CLYBL: variants seen among roughly 807,000 people sequenced by gnomAD.
The protein encoded by CLYBL is citramalyl-CoA lyase, mitochondrial.
CLYBL carries 31 observed loss-of-function variants against 38.9 expected under a neutral mutation model. The observed-to-expected ratio is 0.80, with a 90% CI of 0.60 to 1.08. The LOEUF (loss-of-function observed/expected upper bound fraction) is 1.08. CLYBL is among the 50% of genes least tolerant of loss of function. The probability of loss-of-function intolerance (pLI) is 0.00; values close to 1 mark genes in which losing one functional copy is unlikely to be tolerated. For missense variants in CLYBL, 434 were observed against 411.6 expected (o/e 1.05, Z -0.47); for synonymous variants, 171 against 158.6 (o/e 1.08, Z -0.59).
intron 1 of CLYBL, among the ~76,000 whole-genome samples, chr13:99,662,547 A>C (rs980418650): frequency 8.6e-5 from 12 of 138,986 alleles, no homozygotes. Flanking sequence ...CAGTAATTAT[A>C]GTGAGTCAGA....
chr13:99,777,991 G>A (rs532872427), intron 2 of CLYBL, among the ~76,000 whole-genome samples: 1 of 152,240 alleles, frequency 6.6e-6, no homozygotes, highest in East Asian at 1.9e-4. Context: ...CCTAACCCAC[G>A]TTTTTCGTCT....
chr13:99,798,946 T>G (rs1474974222), intron 2 of CLYBL, among the ~76,000 whole-genome samples: 3 of 152,226 alleles, frequency 2.0e-5, no homozygotes, highest in African/African-American at 4.8e-5. Context: ...TGAATTAACA[T>G]AACCCAGGAA....
At chr13:99,642,762 G>A (rs1011083838) in intron 1 of CLYBL, among the ~76,000 whole-genome samples, 10 of 139,380 alleles carry the variant, frequency 7.2e-5, no homozygotes, top group East Asian at 5.1e-4. Flanking sequence ...CCCTTCCTCC[G>A]TTGCTCTTTT....
At chr13:99,779,108 T>C (rs1178975780) in intron 2 of CLYBL, among the ~76,000 whole-genome samples, 1 of 152,078 alleles carries the variant, frequency 6.6e-6, no homozygotes, top group Non-Finnish European at 1.5e-5. Context: ...TGAGAACATA[T>C]TTCTTTTTTA....
intron 1 of CLYBL, among the ~76,000 whole-genome samples, chr13:99,684,787 C>A (rs2139409891): frequency 6.6e-6 from 1 of 152,318 alleles, no homozygotes; most frequent in Middle Eastern, 3.4e-3. Flanking sequence ...ACTGCTACCA[C>A]CCCATAAGAC....
intron 2 of CLYBL, among the ~76,000 whole-genome samples, chr13:99,776,275 A>T (rs1400140929): frequency 1.3e-5 from 2 of 151,706 alleles, no homozygotes; most frequent in African/African-American, 4.8e-5. Flanking sequence ...CAGGCGGATC[A>T]CTTGAGGCCA....
chr13:99,650,575 C>T (rs576782606), intron 1 of CLYBL, among the ~76,000 whole-genome samples: 46 of 152,280 alleles, frequency 3.0e-4, no homozygotes, highest in African/African-American at 9.9e-4. Flanking sequence ...GGTACATGTG[C>T]TCTTCTAGAG....
chr13:99,612,336 C>T (rs1289721460), intron 1 of CLYBL, among the ~76,000 whole-genome samples: 1 of 149,370 alleles, frequency 6.7e-6, no homozygotes, highest in East Asian at 1.9e-4. Flanking sequence ...TTAATTTACC[C>T]TTTACCTTTT....
At chr13:99,874,211 A>G (rs1207909924) in intron 7 of CLYBL, among the ~76,000 whole-genome samples, 1 of 152,186 alleles carries the variant, frequency 6.6e-6, no homozygotes, top group African/African-American at 2.4e-5. Flanking sequence ...CCAGAAACTA[A>G]AATGTTTTTA....
intron 1 of CLYBL, among the ~76,000 whole-genome samples, chr13:99,763,629 A>T (rs1439834910): frequency 7.0e-6 from 1 of 143,076 alleles, no homozygotes; most frequent in Non-Finnish European, 1.5e-5. Context: ...ATCTCGGCTC[A>T]CTGCAACCTC....
chr13:99,822,218 G>T (rs2050601559), intron 2 of CLYBL, among the ~76,000 whole-genome samples: 1 of 152,224 alleles, frequency 6.6e-6, no homozygotes, highest in African/African-American at 2.4e-5. Context: ...AATGGTTGTG[G>T]TTGTAAGCCA....
intron 2 of CLYBL, among the ~76,000 whole-genome samples, chr13:99,847,932 C>T (rs2051245210): frequency 6.6e-6 from 1 of 152,216 alleles, no homozygotes; most frequent in South Asian, 2.1e-4. Context: ...TGGGCTGCCC[C>T]TGCCCTTCAG....
intron 7 of CLYBL, chr13:99,877,576 T>TTC: frequency 4.6e-6 from 1 of 215,326 alleles, no homozygotes; most frequent in African/African-American, 2.8e-5. Context: ...TAATTCTTTT[T>TTC]TTTTTTTTTT....
At chr13:99,846,151 C>T (rs1485934182) in intron 2 of CLYBL, among the ~76,000 whole-genome samples, 1 of 151,672 alleles carries the variant, frequency 6.6e-6, no homozygotes, top group African/African-American at 2.4e-5. Flanking sequence ...CCTGTCTCTA[C>T]AAAATACATA....
At chr13:99,768,514 T>A (rs2049317681) in intron 1 of CLYBL, among the ~76,000 whole-genome samples, 1 of 23,312 alleles carries the variant, frequency 4.3e-5, no homozygotes, top group Admixed American at 3.8e-4. Context: ...TTTTTTTTTT[T>A]TTTTTTTTTT....
rs1362845118 is a variant in CLYBL at position 99,869,760 on chromosome 13, A to C, written c.803-1178A>C. Reference sequence around the variant, plus strand: ...CAAGGATATAAAACATCAAGGATATAATTTCTACTGTCTAAATGTTAAAAT... The same window carrying C: ...CAAGGATATAAAACATCAAGGATATCATTTCTACTGTCTAAATGTTAAAAT... On this transcript the variant is annotated intron_variant, in intron 6 of 8. Coordinates refer to ENST00000339105, the MANE Select transcript of CLYBL (RefSeq NM_206808.5). This position sits in a 1 kb window ranked among gnomAD's most constrained non-coding sequence, Gnocchi z 4.3. 1.3e-5 allele frequency among the ~76,000 whole-genome samples: 2 copies of C among 152,120 alleles called. No individual in the cohort carries two copies. The highest frequency in any genetic ancestry group is 2.9e-5 in the Non-Finnish European group (2 of 67,966).
chr13:99,707,676 CAGTT>C (rs918344095), intron 1 of CLYBL, among the ~76,000 whole-genome samples: 45 of 152,292 alleles, frequency 3.0e-4, no homozygotes, highest in African/African-American at 8.2e-4. Flanking sequence ...TCTGTAATGA[CAGTT>C]AGTCATGTTG....
intron 7 of CLYBL, among the ~76,000 whole-genome samples, chr13:99,872,816 C>T (rs2051942015): frequency 6.6e-6 from 1 of 152,184 alleles, no homozygotes; most frequent in Non-Finnish European, 1.5e-5. Context: ...CTTTGCTCAG[C>T]ATTTAAGTTT....
At chr13:99,793,893 A>C (rs2049969813) in intron 2 of CLYBL, among the ~76,000 whole-genome samples, 1 of 152,024 alleles carries the variant, frequency 6.6e-6, no homozygotes, top group African/African-American at 2.4e-5. Flanking sequence ...AGATTAAAAA[A>C]AAAAAAAAGA....
Sources: gnomAD v4.1 joint callset for allele counts (sites outside exome capture counted in the v4.1 genomes callset) on GRCh38, gnomAD v4.1.1 for gene constraint, Gnocchi (gnomAD v3.1) non-coding constraint, MANE v1.5 for transcripts, NCBI Gene and HGNC (gene_info 2026-07-23, HGNC 2026-07-21) for gene names.